The following GRM3 variants were observed in gnomAD, a reference collection of about 807,000 sequenced individuals.
GRM3 encodes glutamate metabotropic receptor 3.
In GRM3, 26 loss-of-function variants were observed where a neutral mutation model predicts 70.5. The ratio of observed to expected loss-of-function variants is 0.37; its 90% CI spans 0.27 to 0.51. The LOEUF is 0.51. Among genes scored for constraint, GRM3 ranks in the 20% least tolerant of loss-of-function variants. The pLI is 0.93. For missense variants in GRM3, 859 were observed against 1,123.8 expected (o/e 0.76, Z 3.37); for synonymous variants, 443 against 434.9 (o/e 1.02, Z -0.23).
rs1196163241 is a variant in GRM3 at position 86,765,597 on chromosome 7, G to T, written c.452G>T (p.Ser151Ile). 6.2e-7 allele frequency: 1 copy of T among 1,612,742 alleles called. No homozygotes were observed. The highest frequency in any genetic ancestry group is 1.3e-5 in the African/African-American group (1 of 74,856). The change falls in exon 2 of 6, where the codon AGC becomes ATC. Residue 151 changes from serine (S) to isoleucine (I), a missense_variant. Physicochemically the swap from Ser to Ile is moderately radical, Grantham distance 142. Transcript: ENST00000361669. ...GCAGGGGTCATTGGTGGCTCTTATA[G>T]CAGTGTTTCCATACAGGTAAGATTG... ...LIAGVIGGSY[S>I]SVSIQVANLL...
At chr7:86,645,998 T>A (rs1012420045) in intron 1 of GRM3, among the ~76,000 whole-genome samples, 260 of 6,304 alleles carry the variant, frequency 0.041, 6 homozygotes, top group African/African-American at 0.052. Flanking sequence ...GGGGTGGGGG[T>A]GGGGGGGTGG....
intron 1 of GRM3, among the ~76,000 whole-genome samples, chr7:86,681,341 A>T (rs1221290151): frequency 6.6e-6 from 1 of 152,160 alleles, no homozygotes; most frequent in Non-Finnish European, 1.5e-5. Flanking sequence ...TGGGCCATCT[A>T]GGTTAATTTT....
chr7:86,680,320 C>T (rs1475631637), intron 1 of GRM3, among the ~76,000 whole-genome samples: 1 of 152,108 alleles, frequency 6.6e-6, no homozygotes, highest in Non-Finnish European at 1.5e-5. Flanking sequence ...CACAATATTT[C>T]CAAAAGGATT....
At chr7:86,802,543 G>T (rs886838489) in intron 3 of GRM3, among the ~76,000 whole-genome samples, 2 of 151,258 alleles carry the variant, frequency 1.3e-5, no homozygotes, top group Non-Finnish European at 2.9e-5. Flanking sequence ...ATCAGATTGC[G>T]CCAGATCAAT....
intron 4 of GRM3, among the ~76,000 whole-genome samples, chr7:86,845,984 C>G (rs1031064161): frequency 6.6e-6 from 1 of 152,140 alleles, no homozygotes; most frequent in Admixed American, 6.6e-5. Flanking sequence ...CTTTTTGATA[C>G]AAAATTAACA....
chr7:86,701,675 C>T (rs1304065727), intron 1 of GRM3, among the ~76,000 whole-genome samples: 1 of 151,882 alleles, frequency 6.6e-6, no homozygotes, highest in East Asian at 1.9e-4. Context: ...TATTGACCTT[C>T]AAGTTTCAGA....
rs554030409 is a variant in GRM3, at chr7:86,793,657, G to A, written c.1324+6541G>A. Among the ~76,000 whole-genome samples, 131 of 152,192 alleles carry A rather than the reference G, an allele frequency of 8.6e-4. 1 individual carries two copies. The highest frequency in any genetic ancestry group is 6.4e-3 in the South Asian group (31 of 4,828). ...GTGGTCACTTATTTGTTTATGCACC[G>A]TGCATCTGTGCTTTGGTGTCTTAGA... On this transcript the variant is annotated intron_variant, in intron 3 of 5. Transcript: ENST00000361669.
At chr7:86,788,993 C>A (rs1797339857) in intron 3 of GRM3, among the ~76,000 whole-genome samples, 1 of 152,168 alleles carries the variant, frequency 6.6e-6, no homozygotes, top group Non-Finnish European at 1.5e-5. Context: ...CCAGTGACTT[C>A]TTGGGTCTTA....
At chr7:86,823,102 T>A (rs1798155905) in intron 3 of GRM3, among the ~76,000 whole-genome samples, 1 of 152,096 alleles carries the variant, frequency 6.6e-6, no homozygotes, top group African/African-American at 2.4e-5. Context: ...GGGGACAGAC[T>A]AGGAACAGAA....
chr7:86,860,353 T>A (rs1260803771), intron 5 of GRM3, among the ~76,000 whole-genome samples: 1 of 152,102 alleles, frequency 6.6e-6, no homozygotes, highest in African/African-American at 2.4e-5. Context: ...GTAATTGAGA[T>A]AATAAGCTCA....
At chr7:86,757,577 T>A (rs1796374882) in intron 1 of GRM3, among the ~76,000 whole-genome samples, 1 of 152,206 alleles carries the variant, frequency 6.6e-6, no homozygotes. Context: ...AGTCTCACCC[T>A]GTGGATGACC....
intron 1 of GRM3, among the ~76,000 whole-genome samples, chr7:86,713,582 T>C (rs1795248070): frequency 1.3e-5 from 2 of 151,926 alleles, no homozygotes; most frequent in South Asian, 4.1e-4. Flanking sequence ...CCGTCAAACC[T>C]CACCTATCCT....
chr7:86,696,733 A>G (rs1489372550), intron 1 of GRM3, among the ~76,000 whole-genome samples: 1 of 152,052 alleles, frequency 6.6e-6, no homozygotes, highest in Non-Finnish European at 1.5e-5. Flanking sequence ...CGGTGGTAGC[A>G]GTGGTAGCTC....
intron 1 of GRM3, among the ~76,000 whole-genome samples, chr7:86,743,864 A>G (rs1173619547): frequency 3.9e-5 from 6 of 152,166 alleles, no homozygotes. Context: ...CCACTTCCAT[A>G]TGTAATTCCT....
At chr7:86,717,930 A>C (rs1288318391) in intron 1 of GRM3, among the ~76,000 whole-genome samples, 1 of 130,794 alleles carries the variant, frequency 7.6e-6, no homozygotes, top group African/African-American at 2.9e-5. Context: ...TAAGTAGAAA[A>C]TACAGTATCA....
intron 1 of GRM3, among the ~76,000 whole-genome samples, chr7:86,750,922 TA>T (rs1796214969): frequency 6.6e-6 from 1 of 152,074 alleles, no homozygotes; most frequent in African/African-American, 2.4e-5. Context: ...CAACTTTCAA[TA>T]CAATTTGTGT....
At chr7:86,749,616 T>A (rs1297022405) in intron 1 of GRM3, among the ~76,000 whole-genome samples, 1 of 151,992 alleles carries the variant, frequency 6.6e-6, no homozygotes, top group African/African-American at 2.4e-5. Flanking sequence ...CATTTCTAAG[T>A]GTCGTGACCT....
chr7:86,665,139 C>G (rs374248730), intron 1 of GRM3, among the ~76,000 whole-genome samples: 1 of 151,930 alleles, frequency 6.6e-6, no homozygotes, highest in Non-Finnish European at 1.5e-5. Flanking sequence ...CTATTCTTTT[C>G]GTTCCGTTTT....
chr7:86,695,393 T>C (rs1360517013), intron 1 of GRM3, among the ~76,000 whole-genome samples: 2 of 152,214 alleles, frequency 1.3e-5, no homozygotes, highest in Non-Finnish European at 2.9e-5. Flanking sequence ...GTTTCGAATA[T>C]ATATATTTCT....
Sources: allele counts gnomAD v4.1 joint callset (sites outside exome capture counted in the v4.1 genomes callset), GRCh38; gene constraint gnomAD v4.1.1; transcripts MANE v1.5; gene names NCBI Gene and HGNC (gene_info 2026-07-23, HGNC 2026-07-21).